GPSM1: variants seen among roughly 807,000 people sequenced by gnomAD.
The protein encoded by GPSM1 is G protein signaling modulator 1, also known as G protein-signaling modulator 1.
A neutral mutation model predicts 70.5 loss-of-function variants in GPSM1; 48 were observed. The observed-to-expected ratio is 0.68, with a 90% confidence interval of 0.54 to 0.87. GPSM1 has a LOEUF of 0.87. Ranked by LOEUF, GPSM1 falls within the 40% of genes least tolerant of loss-of-function variation. The pLI, the probability that GPSM1 is intolerant of heterozygous loss-of-function variation, is 0.00. For synonymous variants in GPSM1, 416 were observed against 430.1 expected (o/e 0.97, Z 0.41); for missense variants, 981 against 972.6 (o/e 1.01, Z -0.11).
In GPSM1 at chr9:136,355,830, C is replaced by G; in HGVS notation, c.1596C>G (p.Thr532=). 2 of 1,610,122 alleles carry G rather than the reference C, an allele frequency of 1.2e-6. No individual in the cohort carries two copies. The highest frequency in any genetic ancestry group is 1.1e-5 in the South Asian group (1 of 90,930). ...AGAAEATAAP[T]LEDRIAQPSM... ...CTGCCGAGGCCACGGCCGCCCCCAC[C>G]CTGGAGGACAGGATCGGTGAGTGCC... is the stretch of plus-strand genomic sequence containing the variant. The change falls in exon 12 of 14, where the codon ACC becomes ACG. Residue 532 remains threonine (T), a synonymous_variant. Transcript: ENST00000440944.
In GPSM1 at chr9:136,356,526, C is replaced by T. The variant is rs1554773219; in HGVS notation, c.1797C>T (p.Phe599=). 3.7e-6 allele frequency: 6 copies of T among 1,611,564 alleles called. No individual in the cohort carries two copies. The highest frequency in any genetic ancestry group is 1.3e-5 in the African/African-American group (1 of 74,994). Residue 599 remains phenylalanine, a synonymous_variant, in exon 13 of 14, where the codon TTC becomes TTT. Transcript: ENST00000440944. ...HGEPQEPGDD[F]FNMLIKYQSS... ...AGCCCCAGGAGCCGGGGGACGACTT[C>T]TTCAACATGCTCATCAAGTACCAGG...
rs1228578262 is a variant in GPSM1, at chr9:136,343,096, A to G, written c.1207+2103A>G. ...CTGCTGGCCCCTCCCCAGCCAGCAG[A>G]GAAGCCCCAGAAGTGTGTCTGGGGG... On this transcript the variant is annotated intron_variant, in intron 9 of 13. Coordinates refer to ENST00000440944, the MANE Select transcript of GPSM1 (RefSeq NM_001145638.3). This position sits in a 1 kb window ranked among gnomAD's most constrained non-coding sequence, Gnocchi z 6.0. Among the ~76,000 whole-genome samples the G allele has an allele frequency of 6.6e-6, 1 of 152,102 alleles. No individual in the cohort carries two copies. Among genetic ancestry groups the G allele is most frequent in the Non-Finnish European group, 1.5e-5 (1 of 67,992 alleles).
chr9:136,339,918 C>G, intron 8 of GPSM1, 103 bp downstream of exon 8: 1 of 729,128 alleles, frequency 1.4e-6, no homozygotes, highest in Non-Finnish European at 2.4e-6. Context: ...CTGGGCCCCC[C>G]TCATCCTTTC....
intron 2 of GPSM1, 53 bp from the exon 3 acceptor site, chr9:136,335,913 C>T (rs1251173584): frequency 1.9e-6 from 3 of 1,583,190 alleles, no homozygotes; most frequent in African/African-American, 1.3e-5. Context: ...CCCCCCGGGC[C>T]CAGAGGCCTG....
chr9:136,356,106 C>T (rs1168104723), intron 12 of GPSM1, among the ~76,000 whole-genome samples: 1 of 144,620 alleles, frequency 6.9e-6, no homozygotes, highest in Non-Finnish European at 1.6e-5. Flanking sequence ...CTGGCGTTCT[C>T]CTCCTGTCTC....
In GPSM1 at chr9:136,349,988, G is replaced by A. The variant is rs181608723; in HGVS notation, c.1455+225G>A. On this transcript the variant is annotated intron_variant, in intron 11 of 13. Transcript: ENST00000440944. Reference sequence around the variant, plus strand: ...GTCGCACCTGGCCTCAGAGGCCCCGGCCACCGAGGAGCCTCCTGGGGACTC... The same window carrying A: ...GTCGCACCTGGCCTCAGAGGCCCCGACCACCGAGGAGCCTCCTGGGGACTC... Among the ~76,000 whole-genome samples the A allele has an allele frequency of 9.4e-4, 143 of 152,338 alleles. 4 individuals are homozygous for A. The highest frequency in any genetic ancestry group is 8.5e-3 in the Admixed American group (130 of 15,312).
chr9:136,328,889 G>C (rs560030781), intron 1 of GPSM1, among the ~76,000 whole-genome samples: 12 of 152,188 alleles, frequency 7.9e-5, no homozygotes, highest in African/African-American at 2.9e-4. Context: ...TGATCTGATC[G>C]GCTGTGCAGG....
At position 136,341,790 on chromosome 9, in the gene GPSM1, A is replaced by G; in HGVS notation, c.1207+797A>G. The G allele has an allele frequency of 1.0e-6, 1 of 983,916 alleles. No homozygotes were observed. The highest frequency in any genetic ancestry group is 4.7e-5 in the South Asian group (1 of 21,258). The allele number at this position is 983,916 out of a possible 1,614,324, so 60.9% of individuals were successfully genotyped here. ...CTTGGATGTGGTGCTGGGCTGCCGG[A>G]GTTTCTTTTTCTTATCTTATTTTTA... On this transcript the variant is annotated intron_variant, in intron 9 of 13. Coordinates refer to ENST00000440944, the MANE Select transcript of GPSM1 (RefSeq NM_001145638.3). The surrounding 1 kb of genome is among the most constrained non-coding windows in gnomAD (Gnocchi z 6.7).
At position 136,337,492 on chromosome 9, in the gene GPSM1, G is replaced by A. The variant is rs782483383; in HGVS notation, c.630G>A (p.Arg210=). Residue 210 remains arginine, a synonymous_variant, in exon 5 of 14, where the codon AGG becomes AGA. Transcript: ENST00000440944. ...TGGGCGACCGTGCGGCGCAGGGCAG[G>A]GCCTACGGCAACCTGGGCAACACCC... The part of the protein sequence containing the change: ...KELGDRAAQG[R]AYGNLGNTHY... 1.9e-6 allele frequency: 3 copies of A among 1,565,344 alleles called. No individual in the cohort carries two copies. The highest frequency in any genetic ancestry group is 2.6e-6 in the Non-Finnish European group (3 of 1,155,084).
chr9:136,357,875 G>A, intron 13 of GPSM1, 139 bp from the exon 14 acceptor site: 1 of 648,226 alleles, frequency 1.5e-6, no homozygotes, highest in Non-Finnish European at 2.6e-6. Context: ...AGCGAGGCAG[G>A]CCCCAGAACC....
rs1832746215 is a variant in GPSM1 at position 136,354,102 on chromosome 9, A to G, written c.1456-1588A>G. Among the ~76,000 whole-genome samples the G allele has an allele frequency of 2.0e-5, 3 of 152,184 alleles. No homozygotes were observed. In the South Asian group the frequency reaches 6.2e-4, roughly 32 times the overall value. ...CCCTCCTCAGGTCTGCCTCAGGGAC[A>G]GGAGGTACCTCAGGCTTCCGTGACA... On this transcript the variant is annotated intron_variant, in intron 11 of 13. Coordinates refer to ENST00000440944, the MANE Select transcript of GPSM1 (RefSeq NM_001145638.3).
Position 136,341,278 on chromosome 9 carries a change from TC to T in GPSM1, c.1207+290del. ...CTGCTCCAGGGCCTCCACCCCCACC[TC>T]CCCCTGGAGCCCTCGGTGCAGGGAG... On this transcript the variant is annotated intron_variant, in intron 9 of 13. Coordinates refer to ENST00000440944, the MANE Select transcript of GPSM1 (RefSeq NM_001145638.3). The surrounding 1 kb of genome is among the most constrained non-coding windows in gnomAD (Gnocchi z 6.7). The T allele has an allele frequency of 1.4e-6, 2 of 1,468,730 alleles. No individual in the cohort carries two copies. The highest frequency in any genetic ancestry group is 9.0e-7 in the Non-Finnish European group (1 of 1,108,774). 91.0% of individuals were successfully genotyped at this position (1,468,730 alleles called of 1,614,324 possible). A position where few individuals can be genotyped will look rare whatever the true frequency, so the allele number is the denominator to read the frequency against.
intron 4 of GPSM1, 135 bp downstream of exon 4, chr9:136,337,207 C>A (rs1588693537): frequency 1.9e-6 from 2 of 1,044,232 alleles, no homozygotes; most frequent in Non-Finnish European, 2.7e-6. Flanking sequence ...GGTCCGCCCA[C>A]CCCCGCTTTC....
chr9:136,348,788 C>T (rs376228889), intron 10 of GPSM1, 21 bp downstream of exon 10: 507 of 1,585,994 alleles, frequency 3.2e-4, no homozygotes, highest in Non-Finnish European at 4.1e-4. Context: ...GACACGGGAC[C>T]GATGTCAGCA....
Position 136,356,340 on chromosome 9 carries a change from A to C in GPSM1, c.1613-2A>C, listed in dbSNP as rs1056345668. 2 of 1,572,092 alleles carry C rather than the reference A, an allele frequency of 1.3e-6. No individual in the cohort carries two copies. The highest frequency in any genetic ancestry group is 1.7e-6 in the Non-Finnish European group (2 of 1,157,638). On this transcript the variant is annotated splice_acceptor_variant, in intron 12 of 13. Coordinates refer to ENST00000440944, the MANE Select transcript of GPSM1 (RefSeq NM_001145638.3). LOFTEE classifies it high-confidence loss of function. Reference sequence around the variant, plus strand: ...CAGGTCTCACCCTCTGGCCCCCCGCAGCCCAGCCCTCGATGACGGCCTCGC... The same window carrying C: ...CAGGTCTCACCCTCTGGCCCCCCGCCGCCCAGCCCTCGATGACGGCCTCGC...
rs1167732979 is a variant in GPSM1, at chr9:136,343,454, C to T, written c.1207+2461C>T. On this transcript the variant is annotated intron_variant, in intron 9 of 13. Coordinates refer to ENST00000440944, the MANE Select transcript of GPSM1 (RefSeq NM_001145638.3). This position sits in a 1 kb window ranked among gnomAD's most constrained non-coding sequence, Gnocchi z 6.0. ...ACTGCCCTCGGCCCTGCTGACCGTA[C>T]TTCTCAGCCCTCCACCGTCTGGGCC... 6.6e-6 allele frequency among the ~76,000 whole-genome samples: 1 copy of T among 152,254 alleles called. No individual in the cohort carries two copies. Among genetic ancestry groups the T allele is most frequent in the Non-Finnish European group, 1.5e-5 (1 of 68,036 alleles).
chr9:136,358,209 G>T lies in GPSM1; in HGVS notation c.2017G>T (p.Gly673Cys). The change falls in exon 14 of 14, where the codon GGT becomes TGT. Residue 673 changes from glycine (G) to cysteine (C), a missense_variant. Gly to Cys is a radical substitution (Grantham distance 159, BLOSUM62 -3). Coordinates refer to ENST00000440944, the MANE Select transcript of GPSM1 (RefSeq NM_001145638.3). ...CGAGCCCCAGCAGCAGTGCCAGCCT[G>T]GTGCGAGCTAAGGCCCTGTGCCCAC... ...PPEPQQQCQP[G>C]AS 6.5e-7 allele frequency: 1 copy of T among 1,550,102 alleles called. No homozygotes were observed.
chr9:136,339,912 G>GC, intron 8 of GPSM1, 97 bp downstream of exon 8: 1 of 754,646 alleles, frequency 1.3e-6, no homozygotes, highest in South Asian at 1.5e-5. Flanking sequence ...GCGTGCCTGG[G>GC]CCCCCCTCAT....
chr9:136,342,306 A>G lies in GPSM1; in HGVS notation c.1207+1313A>G, dbSNP rs28403129. ...AGCAGCAACTGGCAGCAGGGCTGGG[A>G]GCAGCTCTGGAAAGGCTCCGCGGAG... is the stretch of plus-strand genomic sequence containing the variant. On this transcript the variant is annotated intron_variant, in intron 9 of 13. Coordinates refer to ENST00000440944, the MANE Select transcript of GPSM1 (RefSeq NM_001145638.3). This position sits in a 1 kb window ranked among gnomAD's most constrained non-coding sequence, Gnocchi z 5.5. Among the ~76,000 whole-genome samples, 62 of 152,064 alleles carry G rather than the reference A, an allele frequency of 4.1e-4. No homozygotes were observed. In the East Asian group the frequency reaches 0.012, roughly 29 times the overall value.
Sources: gnomAD v4.1 joint callset for allele counts (sites outside exome capture counted in the v4.1 genomes callset) on GRCh38, gnomAD v4.1.1 for gene constraint, Gnocchi (gnomAD v3.1) non-coding constraint, MANE v1.5 for transcripts, NCBI Gene and HGNC (gene_info 2026-07-23, HGNC 2026-07-21) for gene names.